BNC2: variants seen among roughly 807,000 people sequenced by gnomAD.
BNC2 encodes basonuclin zinc finger protein 2.
A neutral mutation model predicts 76.3 loss-of-function variants in BNC2; 20 were observed. The observed-to-expected ratio is 0.26, with a 90% CI of 0.18 to 0.38. The LOEUF is 0.38. Among genes scored for constraint, BNC2 ranks in the 10% least tolerant of loss-of-function variants. The pLI, the probability that BNC2 is intolerant of heterozygous loss-of-function variation, is 1.00. For synonymous variants in BNC2, 582 were observed against 514.8 expected (o/e 1.13, Z -1.77); for missense variants, 1,382 against 1,399.8 (o/e 0.99, Z 0.20).
At chr9:16,552,051 G>A (rs1818678828) in intron 5 of BNC2, among the ~76,000 whole-genome samples, 1 of 152,112 alleles carries the variant, frequency 6.6e-6, no homozygotes, top group Non-Finnish European at 1.5e-5. Context: ...CTACCTTTGA[G>A]TTGGCTGAAA....
chr9:16,501,461 C>A (rs911741323), intron 5 of BNC2, among the ~76,000 whole-genome samples: 1 of 152,122 alleles, frequency 6.6e-6, no homozygotes, highest in Non-Finnish European at 1.5e-5. Context: ...CCATCACAAC[C>A]ACTCAGTGAG....
At chr9:16,753,883 A>T (rs913976802) in intron 1 of BNC2, among the ~76,000 whole-genome samples, 2 of 152,088 alleles carry the variant, frequency 1.3e-5, no homozygotes, top group African/African-American at 4.8e-5. Context: ...CATACTTTAG[A>T]TATCACTTGA....
intron 1 of BNC2, among the ~76,000 whole-genome samples, chr9:16,788,300 T>C (rs1000773736): frequency 5.3e-5 from 8 of 152,082 alleles, no homozygotes; most frequent in African/African-American, 9.6e-5. Context: ...ACGCCTGTAA[T>C]CCCAGCACTC....
intron 5 of BNC2, among the ~76,000 whole-genome samples, chr9:16,481,191 G>C (rs899756187): frequency 6.6e-6 from 1 of 152,014 alleles, no homozygotes; most frequent in African/African-American, 2.4e-5. Context: ...GTCTAGCTCA[G>C]GGATTGTAAA....
At chr9:16,590,804 A>G (rs1003201426) in intron 3 of BNC2, among the ~76,000 whole-genome samples, 8 of 152,028 alleles carry the variant, frequency 5.3e-5, no homozygotes, top group African/African-American at 1.9e-4. Flanking sequence ...TGAGACCTTC[A>G]TCTCACACAC....
intron 1 of BNC2, among the ~76,000 whole-genome samples, chr9:16,789,723 G>C (rs528327035): frequency 9.9e-5 from 15 of 152,260 alleles, no homozygotes; most frequent in African/African-American, 3.6e-4. Flanking sequence ...ATATGTTATA[G>C]TATAATGGTC....
At position 16,435,935 on chromosome 9, in the gene BNC2, C is replaced by G; in HGVS notation, c.2259G>C (p.Leu753=). The G allele has an allele frequency of 6.2e-7, 1 of 1,614,130 alleles. No homozygotes were observed. The highest frequency in any genetic ancestry group is 2.2e-5 in the East Asian group (1 of 44,860). ...HIHSEVSEKV[L]MNSERPDENH... Reference sequence around the variant, plus strand: ...TCTCATCAGGCCTCTCACTATTCATCAGGACTTTTTCACTCACTTCGCTGT... The same window carrying G: ...TCTCATCAGGCCTCTCACTATTCATGAGGACTTTTTCACTCACTTCGCTGT... Residue 753 remains leucine, a synonymous_variant, in exon 6 of 7, where the codon CTG becomes CTC. Coordinates refer to ENST00000380672, the MANE Select transcript of BNC2 (RefSeq NM_017637.6).
At chr9:16,699,878 T>C (rs772270040) in intron 3 of BNC2, among the ~76,000 whole-genome samples, 1 of 152,220 alleles carries the variant, frequency 6.6e-6, no homozygotes, top group Admixed American at 6.5e-5. Flanking sequence ...AAATTCCCAA[T>C]GTAAATTTAT....
At chr9:16,773,691 CAA>C (rs538928171) in intron 1 of BNC2, among the ~76,000 whole-genome samples, 145 of 152,202 alleles carry the variant, frequency 9.5e-4, no homozygotes, top group African/African-American at 3.4e-3. Context: ...CATGAGAGCC[CAA>C]GGTGCTTGGA....
chr9:16,482,898 G>A (rs1464256394), intron 5 of BNC2, among the ~76,000 whole-genome samples: 4 of 152,292 alleles, frequency 2.6e-5, no homozygotes, highest in Non-Finnish European at 5.9e-5. Flanking sequence ...TCCGTGGCCA[G>A]CCCATCAGTC....
chr9:16,730,147 G>C (rs1824464753), intron 2 of BNC2, among the ~76,000 whole-genome samples: 2 of 152,004 alleles, frequency 1.3e-5, no homozygotes, highest in Admixed American at 6.6e-5. Context: ...GCATGCAGCA[G>C]CAAGCACCTG....
intron 5 of BNC2, among the ~76,000 whole-genome samples, chr9:16,465,132 T>A (rs1821676295): frequency 6.6e-6 from 1 of 151,730 alleles, no homozygotes; most frequent in African/African-American, 2.4e-5. Flanking sequence ...TTTACAGGAG[T>A]AAGATTGAAA....
At chr9:16,460,369 T>A (rs1821548427) in intron 5 of BNC2, among the ~76,000 whole-genome samples, 1 of 150,442 alleles carries the variant, frequency 6.6e-6, no homozygotes, top group African/African-American at 2.4e-5. Context: ...ATGCCTGTAA[T>A]CCTAACACTT....
At chr9:16,474,484 G>A (rs1159687558) in intron 5 of BNC2, among the ~76,000 whole-genome samples, 1 of 152,134 alleles carries the variant, frequency 6.6e-6, no homozygotes, top group African/African-American at 2.4e-5. Context: ...TTGAATAGAG[G>A]AGGTGACAAA....
intron 5 of BNC2, among the ~76,000 whole-genome samples, chr9:16,534,566 CAAAT>C (rs1818073666): frequency 6.6e-6 from 1 of 152,038 alleles, no homozygotes; most frequent in South Asian, 2.1e-4. Flanking sequence ...CTTCTGGAAA[CAAAT>C]AATGCACTAA....
intron 1 of BNC2, among the ~76,000 whole-genome samples, chr9:16,785,711 T>C (rs186813724): frequency 1.3e-5 from 2 of 150,848 alleles, no homozygotes; most frequent in East Asian, 3.9e-4. Flanking sequence ...TACGAAAGAA[T>C]GGATGCAGGC....
At chr9:16,832,193 C>T (rs1586919556) in intron 1 of BNC2, 9 of 953,200 alleles carry the variant, frequency 9.4e-6, no homozygotes, top group South Asian at 1.5e-5. Flanking sequence ...ATTAAAACTA[C>T]AAGGTAGTCT....
At chr9:16,868,571 A>T (rs1184244313) in intron 1 of BNC2, among the ~76,000 whole-genome samples, 1 of 152,244 alleles carries the variant, frequency 6.6e-6, no homozygotes, top group Non-Finnish European at 1.5e-5. Flanking sequence ...AGAGGAAAAA[A>T]AGTTTCAGAC....
At chr9:16,815,305 C>A (rs1047497244) in intron 1 of BNC2, among the ~76,000 whole-genome samples, 2 of 152,110 alleles carry the variant, frequency 1.3e-5, no homozygotes, top group African/African-American at 4.8e-5. Flanking sequence ...AAAACTCAAA[C>A]GCTGTGCAAA....
Sources: allele counts gnomAD v4.1 joint callset (sites outside exome capture counted in the v4.1 genomes callset), GRCh38; gene constraint gnomAD v4.1.1; transcripts MANE v1.5; gene names NCBI Gene and HGNC (gene_info 2026-07-23, HGNC 2026-07-21).